The following DOCK11 variants were observed in gnomAD, a reference collection of about 807,000 sequenced individuals.
DOCK11 encodes the protein dedicator of cytokinesis 11, also known as dedicator of cytokinesis protein 11.
A neutral mutation model predicts 169.1 loss-of-function variants in DOCK11; 70 were observed. The ratio of observed to expected loss-of-function variants is 0.41; its 90% confidence interval spans 0.34 to 0.51. The LOEUF is 0.51. Ranked by LOEUF, DOCK11 falls within the 20% of genes least tolerant of loss-of-function variation. The pLI is 0.10. For synonymous variants in DOCK11, 529 were observed against 541.3 expected, an observed-to-expected ratio of 0.98 and a Z score of 0.32; for missense variants, 1,166 against 1,538.8, an observed-to-expected ratio of 0.76 and a Z score of 4.05.
At chrX:118,504,743 G>A (rs758573252) in intron 1 of DOCK11, among the ~76,000 whole-genome samples, 2 of 111,830 alleles carry the variant, frequency 1.8e-5, no homozygotes, top group Non-Finnish European at 1.9e-5. Context: ...TTGGCCTGCC[G>A]TTTATATCAG....
intron 1 of DOCK11, among the ~76,000 whole-genome samples, chrX:118,496,521 T>A (rs574150734): frequency 8.9e-6 from 1 of 112,288 alleles, no homozygotes; most frequent in Admixed American, 9.3e-5. Flanking sequence ...GCACACACAC[T>A]CTCGCGCGCA....
intron 46 of DOCK11, 79 bp from the exon 47 acceptor site, chrX:118,675,857 T>A: frequency 5.0e-6 from 3 of 597,447 alleles, no homozygotes; most frequent in Non-Finnish European, 7.7e-6. Context: ...CTGGTGCTTT[T>A]TATTTTTGTA....
At chrX:118,660,065 C>T (rs901346953) in intron 44 of DOCK11, among the ~76,000 whole-genome samples, 2 of 111,839 alleles carry the variant, frequency 1.8e-5, no homozygotes, top group African/African-American at 3.2e-5. Context: ...CTCTTCTTTA[C>T]GGCCTGGCTC....
chrX:118,665,450 A>T (rs2016318018), intron 45 of DOCK11, among the ~76,000 whole-genome samples: 1 of 112,282 alleles, frequency 8.9e-6, no homozygotes, highest in South Asian at 3.6e-4. Flanking sequence ...GTTCAGTACA[A>T]CTGAACTTAT....
chrX:118,629,778 A>G (rs2147493281), intron 34 of DOCK11, among the ~76,000 whole-genome samples: 1 of 107,831 alleles, frequency 9.3e-6, no homozygotes, highest in South Asian at 4.1e-4. Flanking sequence ...CCTCCTGAGT[A>G]GCTAGGACTA....
Position 118,514,301 on chromosome X carries a change from C to T in DOCK11, c.102+18228C>T, listed in dbSNP as rs769929986. Among the ~76,000 whole-genome samples the T allele has an allele frequency of 6.3e-5, 7 of 110,513 alleles. No individual in the cohort carries two copies. The South Asian group carries it at 2.7e-3, about 43-fold the overall frequency. ...CCTTTATAAATTACCCAGTCTCAGG[C>T]AGTTCTTTATTAGGAGTATGAAAAT... is the stretch of plus-strand genomic sequence containing the variant. On this transcript the variant is annotated intron_variant, in intron 1 of 52. Transcript: ENST00000276202.
At chrX:118,562,119 C>T (rs896087726) in intron 7 of DOCK11, among the ~76,000 whole-genome samples, 23 of 105,398 alleles carry the variant, frequency 2.2e-4, no homozygotes, top group Non-Finnish European at 3.5e-4. Flanking sequence ...TGAGCCAAGA[C>T]GGTGCCACTA....
chrX:118,540,086 A>G (rs896204757), intron 1 of DOCK11, among the ~76,000 whole-genome samples: 6 of 108,330 alleles, frequency 5.5e-5, no homozygotes, highest in African/African-American at 2.0e-4. Context: ...AGGAAAAGAA[A>G]AGAAAAAAGA....
intron 12 of DOCK11, among the ~76,000 whole-genome samples, chrX:118,574,566 G>A (rs1236824897): frequency 4.5e-5 from 5 of 111,605 alleles, no homozygotes; most frequent in East Asian, 2.8e-4. Context: ...GCAAGACTCC[G>A]TCTCACAAAG....
chrX:118,537,258 G>A (rs1410155516), intron 1 of DOCK11, among the ~76,000 whole-genome samples: 1 of 111,386 alleles, frequency 9.0e-6, no homozygotes, highest in East Asian at 2.8e-4. Flanking sequence ...GTGGTGCAGG[G>A]ATGTTTTTGA....
At chrX:118,502,503 T>A in intron 1 of DOCK11, among the ~76,000 whole-genome samples, 1 of 111,769 alleles carries the variant, frequency 8.9e-6, no homozygotes, top group Non-Finnish European at 1.9e-5. Flanking sequence ...TGGGCTCTTT[T>A]CCAAGTTTTC....
intron 9 of DOCK11, among the ~76,000 whole-genome samples, chrX:118,567,122 G>A (rs1385726551): frequency 2.7e-5 from 3 of 111,413 alleles, no homozygotes; most frequent in Admixed American, 9.6e-5. Flanking sequence ...CATCATTTTT[G>A]TTATTTACTC....
chrX:118,671,668 C>A (rs1482626550), intron 46 of DOCK11, among the ~76,000 whole-genome samples: 6 of 110,316 alleles, frequency 5.4e-5, no homozygotes, highest in Non-Finnish European at 7.6e-5. Context: ...TAAATTAGAC[C>A]AGTGGTTCTG....
Position 118,561,502 on chromosome X carries a change from C to T in DOCK11, c.678C>T (p.Cys226=), listed in dbSNP as rs1364764666. 4.2e-6 allele frequency: 5 copies of T among 1,196,554 alleles called. No individual in the cohort carries two copies. Among genetic ancestry groups the T allele is most frequent in the Non-Finnish European group, 5.6e-6 (5 of 888,899 alleles). Reference sequence around the variant, plus strand: ...AAGGTTGCATCTACTTGGACGCCTGCATTGATGTTGTTCAGGTAAGGCCAT... The same window carrying T: ...AAGGTTGCATCTACTTGGACGCCTGTATTGATGTTGTTCAGGTAAGGCCAT... ...ESKGCIYLDA[C]IDVVQCPKMR... Residue 226 remains cysteine (C), a synonymous_variant, in exon 7 of 53, where the codon TGC becomes TGT. Transcript: ENST00000276202.
chrX:118,581,805 TAAAAAAAAAAAAAAAAAAAAAAA>T, intron 14 of DOCK11, among the ~76,000 whole-genome samples: 1 of 12,746 alleles, frequency 7.8e-5, no homozygotes, highest in East Asian at 2.4e-3. Context: ...CTCCGTCTCC[TAAAAAAAAAAAAAAAAAAAAAAA>T]AAAAAAAAAA....
rs184213710 is a variant in DOCK11 at position 118,617,441 on chromosome X, G to A, written c.3293-1109G>A. Among the ~76,000 whole-genome samples the A allele has an allele frequency of 6.8e-3, 745 of 109,120 alleles. 5 individuals carry two copies. The highest frequency in any genetic ancestry group is 0.014 in the Middle Eastern group (3 of 209). 94.8% of individuals were successfully genotyped at this position (109,120 alleles called of 115,157 possible). A position where few individuals can be genotyped will look rare whatever the true frequency, so the allele number is the denominator to read the frequency against. On this transcript the variant is annotated intron_variant, in intron 30 of 52. Coordinates refer to ENST00000276202, the MANE Select transcript of DOCK11 (RefSeq NM_144658.4). ...CGGGAGGCAGAGGTTGCAGTGAGCC[G>A]AGATTGCGCCACTGCACTCCAGCCT...
rs201740318 is a variant in DOCK11, at chrX:118,685,714, T to C, written c.6129T>C (p.Ser2043=). ...EQILQEDTMH[S]PWMSNTLHVF... ...TATTACAAGAAGACACAATGCATTC[T>C]CCCTGGATGAGCAACACATTACATG... is the stretch of plus-strand genomic sequence containing the variant. The change falls in exon 53 of 53, where the codon TCT becomes TCC. Residue 2043 remains serine, a synonymous_variant. Coordinates refer to ENST00000276202, the MANE Select transcript of DOCK11 (RefSeq NM_144658.4). 4 of 1,210,765 alleles carry C rather than the reference T, an allele frequency of 3.3e-6. No individual in the cohort carries two copies. Among genetic ancestry groups the C allele is most frequent in the Non-Finnish European group, 3.4e-6 (3 of 894,812 alleles).
chrX:118,676,086 A>T lies in DOCK11; in HGVS notation c.5313+37A>T, dbSNP rs116703733. The T allele has an allele frequency of 4.1e-3, 3,875 of 948,151 alleles. 83 individuals are homozygous for T. The African/African-American group carries it at 0.064, about 16-fold the overall frequency. The allele number at this position is 948,151 out of a possible 1,213,427, so 78.1% of individuals were successfully genotyped here. A position where few individuals can be genotyped will look rare whatever the true frequency, so the allele number is the denominator to read the frequency against. ...TGAATCCATAAAGTTTTCCTTTTTAAACATTCACCTTTGAATTACTAGTTT... is the reference window on the plus strand; with the variant it reads ...TGAATCCATAAAGTTTTCCTTTTTATACATTCACCTTTGAATTACTAGTTT... On this transcript the variant is annotated intron_variant, in intron 47 of 52. Coordinates refer to ENST00000276202, the MANE Select transcript of DOCK11 (RefSeq NM_144658.4).
intron 12 of DOCK11, among the ~76,000 whole-genome samples, chrX:118,574,472 G>C (rs1292783061): frequency 9.0e-6 from 1 of 111,304 alleles, no homozygotes; most frequent in East Asian, 2.8e-4. Flanking sequence ...GGGACACTGA[G>C]GCAGGAGAAT....
Sources: gnomAD v4.1 joint callset for allele counts (sites outside exome capture counted in the v4.1 genomes callset) on GRCh38, gnomAD v4.1.1 for gene constraint, MANE v1.5 for transcripts, NCBI Gene and HGNC (gene_info 2026-07-23, HGNC 2026-07-21) for gene names.